Variants in PRKG1 observed in about 807,000 individuals in gnomAD.
PRKG1 encodes protein kinase cGMP-dependent 1.
PRKG1 carries 35 observed loss-of-function variants against 88.1 expected under a neutral mutation model. The ratio of observed to expected loss-of-function variants is 0.40; its 90% CI spans 0.30 to 0.53. The LOEUF is 0.53. Among genes scored for constraint, PRKG1 ranks in the 20% least tolerant of loss-of-function variants. The probability of loss-of-function intolerance (pLI) is 0.59; values close to 1 mark genes in which losing one functional copy is unlikely to be tolerated. For synonymous variants in PRKG1, 303 were observed against 292.5 expected, an observed-to-expected ratio of 1.04 and a Z score of -0.37; for missense variants, 540 against 839.8, an observed-to-expected ratio of 0.64 and a Z score of 4.41.
chr10:51,908,717 C>CTATCTATG (rs1417606630), intron 5 of PRKG1: 3 of 69,418 alleles, frequency 4.3e-5, no homozygotes, highest in Admixed American at 3.6e-4. Context: ...CTCTCTCTGT[C>CTATCTATG]TATCTATCTA....
intron 3 of PRKG1, among the ~76,000 whole-genome samples, chr10:51,604,469 A>G (rs754233636): frequency 6.6e-6 from 1 of 152,204 alleles, no homozygotes; most frequent in East Asian, 1.9e-4. Flanking sequence ...CCATTAGATC[A>G]TGAGCTCTTT....
intron 5 of PRKG1, among the ~76,000 whole-genome samples, chr10:52,042,611 A>T (rs1845777232): frequency 6.6e-6 from 1 of 152,172 alleles, no homozygotes; most frequent in Non-Finnish European, 1.5e-5. Context: ...ACCCAAAACT[A>T]TGAAAGTACT....
intron 3 of PRKG1, among the ~76,000 whole-genome samples, chr10:51,477,402 T>C (rs1840228300): frequency 6.6e-6 from 1 of 151,274 alleles, no homozygotes; most frequent in African/African-American, 2.4e-5. Context: ...GTGGAGGAGA[T>C]AGAAACTGAC....
intron 9 of PRKG1, among the ~76,000 whole-genome samples, chr10:52,215,570 C>T (rs1207582295): frequency 6.6e-6 from 1 of 152,096 alleles, no homozygotes; most frequent in African/African-American, 2.4e-5. Context: ...CTCTTTTCCC[C>T]ATGGGAAGAT....
chr10:51,224,083 G>A (rs551927078), intron 2 of PRKG1, among the ~76,000 whole-genome samples: 1 of 152,194 alleles, frequency 6.6e-6, no homozygotes, highest in East Asian at 1.9e-4. Flanking sequence ...GGGAAAATAG[G>A]AAAAGAGGCA....
intron 9 of PRKG1, among the ~76,000 whole-genome samples, chr10:52,176,284 A>G (rs1020405804): frequency 2.4e-4 from 35 of 144,094 alleles, no homozygotes; most frequent in African/African-American, 9.0e-4. Flanking sequence ...TTCTTTCTCC[A>G]GTGAGTGGTC....
chr10:51,170,062 C>G (rs1254932723), intron 2 of PRKG1, among the ~76,000 whole-genome samples: 1 of 151,990 alleles, frequency 6.6e-6, no homozygotes, highest in Non-Finnish European at 1.5e-5. Flanking sequence ...CACCTTCTGA[C>G]TGGGCTGGAC....
At chr10:51,776,158 T>A (rs181924184) in intron 3 of PRKG1, among the ~76,000 whole-genome samples, 1 of 152,266 alleles carries the variant, frequency 6.6e-6, no homozygotes, top group East Asian at 1.9e-4. Context: ...GACCCCTGAT[T>A]AACATTCAAA....
chr10:52,209,352 T>A (rs931262372), intron 9 of PRKG1, among the ~76,000 whole-genome samples: 2 of 152,212 alleles, frequency 1.3e-5, no homozygotes, highest in African/African-American at 4.8e-5. Context: ...CACTTCTTTT[T>A]ATATTATTTC....
chr10:51,999,253 T>C (rs1844532411), intron 5 of PRKG1, among the ~76,000 whole-genome samples: 1 of 152,192 alleles, frequency 6.6e-6, no homozygotes, highest in African/African-American at 2.4e-5. Context: ...CAAATACAAG[T>C]TGAGGGCGTT....
chr10:51,969,768 C>T (rs559384863), intron 5 of PRKG1, among the ~76,000 whole-genome samples: 3 of 152,026 alleles, frequency 2.0e-5, no homozygotes, highest in African/African-American at 7.2e-5. Flanking sequence ...TCACAACAAC[C>T]AGTTTATGAC....
At chr10:51,073,646 T>G (rs117719279), upstream of PRKG1, among the ~76,000 whole-genome samples, 321 of 152,198 alleles carry the variant, frequency 2.1e-3, no homozygotes, top group Non-Finnish European at 3.5e-3. Flanking sequence ...GATGAGAGTT[T>G]GGAAGGGGCA....
At chr10:52,248,065 A>G (rs1841069910) in intron 9 of PRKG1, among the ~76,000 whole-genome samples, 1 of 152,266 alleles carries the variant, frequency 6.6e-6, no homozygotes, top group Admixed American at 6.5e-5. Context: ...TAAATGCAGC[A>G]GGAACATGCC....
At chr10:51,950,419 A>G (rs1474715709) in intron 5 of PRKG1, among the ~76,000 whole-genome samples, 2 of 152,262 alleles carry the variant, frequency 1.3e-5, no homozygotes, top group Non-Finnish European at 2.9e-5. Context: ...GCTTTTTGGA[A>G]GAGAGAAAGT....
chr10:51,825,276 A>G (rs1255030470), intron 4 of PRKG1, among the ~76,000 whole-genome samples: 1 of 152,162 alleles, frequency 6.6e-6, no homozygotes, highest in African/African-American at 2.4e-5. Context: ...AGATTTTAGA[A>G]ATCACTGAGT....
At chr10:51,481,705 G>A (rs938073748) in intron 3 of PRKG1, among the ~76,000 whole-genome samples, 9 of 150,814 alleles carry the variant, frequency 6.0e-5, no homozygotes, top group African/African-American at 2.2e-4. Flanking sequence ...AATCATAGTA[G>A]CTTTGGAACT....
intron 17 of PRKG1, among the ~76,000 whole-genome samples, chr10:52,293,052 C>T (rs1388113580): frequency 1.3e-5 from 2 of 151,840 alleles, no homozygotes; most frequent in African/African-American, 4.8e-5. Flanking sequence ...TGATAAGCAA[C>T]TTCAGCAAAG....
chr10:51,040,232 T>TGTG (rs1843401823), intron 1 of PRKG1, among the ~76,000 whole-genome samples: 3 of 117,844 alleles, frequency 2.5e-5, no homozygotes, highest in African/African-American at 6.4e-5. Flanking sequence ...TCCATTCCAT[T>TGTG]TGTGTGTGTG....
chr10:51,547,909 A>G (rs1842479265), intron 3 of PRKG1, among the ~76,000 whole-genome samples: 1 of 152,110 alleles, frequency 6.6e-6, no homozygotes, highest in African/African-American at 2.4e-5. Context: ...TGGTGAATGA[A>G]TTATTGTTCC....
Sources: allele counts gnomAD v4.1 joint callset (sites outside exome capture counted in the v4.1 genomes callset), GRCh38; gene constraint gnomAD v4.1.1; transcripts MANE v1.5; gene names NCBI Gene and HGNC (gene_info 2026-07-23, HGNC 2026-07-21).